Variants in USP34 observed in about 807,000 individuals in gnomAD.
USP34 encodes ubiquitin specific peptidase 34, also known as ubiquitin carboxyl-terminal hydrolase 34.
In USP34, 70 loss-of-function variants were observed where a neutral mutation model predicts 460.3. The ratio of observed to expected loss-of-function variants is 0.15; its 90% CI spans 0.13 to 0.19. USP34 has a LOEUF of 0.19. USP34 is among the 10% of genes least tolerant of loss of function. The pLI is 1.00. For synonymous variants in USP34, 1,647 were observed against 1,405.3 expected, an observed-to-expected ratio of 1.17 and a Z score of -3.85; for missense variants, 3,985 against 4,236.2, an observed-to-expected ratio of 0.94 and a Z score of 1.65.
At chr2:61,276,855 A>T (rs1306284146) in intron 41 of USP34, among the ~76,000 whole-genome samples, 1 of 152,230 alleles carries the variant, frequency 6.6e-6, no homozygotes, top group Admixed American at 6.5e-5. Context: ...AGTTGATCTC[A>T]AGAATCCTTT....
At chr2:61,354,472 C>T (rs917111826) in intron 10 of USP34, among the ~76,000 whole-genome samples, 2 of 152,160 alleles carry the variant, frequency 1.3e-5, no homozygotes, top group East Asian at 3.8e-4. Context: ...GACACTTACA[C>T]CTGCCCCATA....
At chr2:61,434,786 A>G (rs1231207627) in intron 1 of USP34, among the ~76,000 whole-genome samples, 1 of 152,014 alleles carries the variant, frequency 6.6e-6, no homozygotes, top group Non-Finnish European at 1.5e-5. Flanking sequence ...GGTTCCAACA[A>G]TGTGTAGAAA....
chr2:61,392,808 TG>T (rs1489058331), intron 5 of USP34, among the ~76,000 whole-genome samples: 1 of 152,196 alleles, frequency 6.6e-6, no homozygotes, highest in Non-Finnish European at 1.5e-5. Context: ...TTTGATAATT[TG>T]GTGTTTCAAA....
At chr2:61,455,362 G>A (rs1020209410) in intron 1 of USP34, among the ~76,000 whole-genome samples, 1 of 151,728 alleles carries the variant, frequency 6.6e-6, no homozygotes, top group African/African-American at 2.4e-5. Flanking sequence ...TATTATAATA[G>A]AGACAGAATT....
Position 61,278,176 on chromosome 2 carries a change from T to C in USP34, c.5422A>G (p.Arg1808Gly), listed in dbSNP as rs1383488823. 2 of 1,612,892 alleles carry C rather than the reference T, an allele frequency of 1.2e-6. No homozygotes were observed. The highest frequency in any genetic ancestry group is 2.7e-5 in the African/African-American group (2 of 75,044). ...VKHKPPFKFSREGQEFLRDIF... is the reference protein window; with the variant it reads ...VKHKPPFKFSGEGQEFLRDIF... ...ATCTTAACACTTACCTGTCCTTCCC[T>C]TGAAAATTTAAAGGGTGGTTTGTGT... Residue 1808 changes from arginine to glycine, a missense_variant, in exon 41 of 80, where the codon AGG (arginine) becomes GGG (glycine). This residue lies in a region of USP34 where 1,114 missense variants were observed against 1,122.5 expected (regional missense o/e 0.99). Transcript: ENST00000398571.
chr2:61,396,028 T>C (rs1193896583), intron 3 of USP34, among the ~76,000 whole-genome samples: 1 of 148,196 alleles, frequency 6.7e-6, no homozygotes, highest in East Asian at 2.0e-4. Flanking sequence ...TTACACTCCA[T>C]CCTGGGTGAC....
intron 1 of USP34, among the ~76,000 whole-genome samples, chr2:61,455,111 A>C (rs992043723): frequency 7.3e-5 from 11 of 151,632 alleles, no homozygotes; most frequent in Non-Finnish European, 1.3e-4. Context: ...TGAACTCCTG[A>C]CCTGTGGTGA....
At chr2:61,359,390 A>G (rs1398856079) in intron 10 of USP34, among the ~76,000 whole-genome samples, 1 of 152,242 alleles carries the variant, frequency 6.6e-6, no homozygotes, top group Non-Finnish European at 1.5e-5. Context: ...GAATATTTAC[A>G]TGTAAAAAGA....
intron 43 of USP34, among the ~76,000 whole-genome samples, chr2:61,260,603 A>C (rs757501957): frequency 6.6e-6 from 1 of 152,188 alleles, no homozygotes; most frequent in Non-Finnish European, 1.5e-5. Flanking sequence ...ACTAAAACAG[A>C]GATCTGTTCA....
intron 67 of USP34, among the ~76,000 whole-genome samples, chr2:61,219,406 C>G (rs1412998457): frequency 6.6e-6 from 1 of 152,156 alleles, no homozygotes; most frequent in African/African-American, 2.4e-5. Context: ...TGCGGTGGCT[C>G]ACACCTGTAA....
intron 20 of USP34, among the ~76,000 whole-genome samples, chr2:61,326,062 G>T (rs1038739016): frequency 3.3e-5 from 5 of 152,162 alleles, no homozygotes; most frequent in Non-Finnish European, 1.5e-5. Flanking sequence ...AGTCTGAATA[G>T]ATCAACAAGA....
intron 1 of USP34, among the ~76,000 whole-genome samples, chr2:61,463,809 G>A (rs1396606117): frequency 6.6e-6 from 1 of 151,676 alleles, no homozygotes; most frequent in Non-Finnish European, 1.5e-5. Context: ...ACACCAGCCT[G>A]GGCAACAGGA....
At chr2:61,217,541 C>A (rs1687437903) in intron 67 of USP34, among the ~76,000 whole-genome samples, 1 of 152,196 alleles carries the variant, frequency 6.6e-6, no homozygotes, top group Admixed American at 6.5e-5. Context: ...GTAATTTTAA[C>A]ATGATGCATT....
At chr2:61,344,226 TAC>T (rs757631462) in intron 15 of USP34, among the ~76,000 whole-genome samples, 197 bp from the exon 16 acceptor site, 2 of 152,182 alleles carry the variant, frequency 1.3e-5, no homozygotes, top group Non-Finnish European at 2.9e-5. Context: ...TTTTACAATA[TAC>T]AGTCATATTA....
At chr2:61,297,355 T>A (rs567435400) in intron 29 of USP34, among the ~76,000 whole-genome samples, 1 of 152,358 alleles carries the variant, frequency 6.6e-6, no homozygotes, top group East Asian at 1.9e-4. Context: ...ATGTTGCTAA[T>A]CTAAACCTCA....
At chr2:61,418,156 T>A (rs895660382) in intron 2 of USP34, among the ~76,000 whole-genome samples, 2 of 151,954 alleles carry the variant, frequency 1.3e-5, no homozygotes, top group Admixed American at 1.3e-4. Flanking sequence ...CTCAGCTCAC[T>A]GCAACCTCCG....
chr2:61,264,056 A>T (rs926622474), intron 43 of USP34, among the ~76,000 whole-genome samples: 3 of 152,168 alleles, frequency 2.0e-5, no homozygotes, highest in African/African-American at 7.2e-5. Flanking sequence ...ACCACTGAAA[A>T]CATGCTTCTT....
Position 61,339,356 on chromosome 2 carries a change from G to C in USP34, c.2739C>G (p.Asn913Lys). Residue 913 changes from asparagine to lysine, a missense_variant, in exon 18 of 80, where the codon AAC becomes AAG. Physicochemically the swap from Asn to Lys is moderately conservative, Grantham distance 94 (BLOSUM62 0). Around this residue, in one of 14 missense-constraint regions of USP34, gnomAD observed 46 missense variants for 83.1 expected, o/e 0.55. Coordinates refer to ENST00000398571, the MANE Select transcript of USP34 (RefSeq NM_014709.4). ...ATTTTTAAATTCCTCTTTACCTGTT[G>C]TTTCCCAAGTTTTCAAGGCAACCTT... Reference protein sequence around the residue: ...FIEGCLENLGNNRSVVISLRL... With the variant: ...FIEGCLENLGKNRSVVISLRL... 1 of 1,607,124 alleles carries C rather than the reference G, an allele frequency of 6.2e-7. No homozygotes were observed. Among genetic ancestry groups the C allele is most frequent in the Non-Finnish European group, 8.5e-7 (1 of 1,177,580 alleles).
chr2:61,327,909 C>A (rs1358461381), intron 20 of USP34, among the ~76,000 whole-genome samples: 2 of 152,202 alleles, frequency 1.3e-5, no homozygotes, highest in African/African-American at 2.4e-5. Context: ...ACTTTAGTAA[C>A]AGATTACTGC....
Sources: allele counts gnomAD v4.1 joint callset (sites outside exome capture counted in the v4.1 genomes callset), GRCh38; gene constraint gnomAD v4.1.1; regional missense constraint gnomAD v4.1.1; transcripts MANE v1.5; gene names NCBI Gene and HGNC (gene_info 2026-07-23, HGNC 2026-07-21).